Variants in PRKACB observed in about 807,000 individuals in gnomAD.
PRKACB encodes the protein protein kinase cAMP-activated catalytic subunit beta, also known as cAMP-dependent protein kinase catalytic subunit beta.
Under a neutral mutation model 51.4 loss-of-function variants are expected in PRKACB, and 16 were observed. The ratio of observed to expected loss-of-function variants is 0.31; its 90% CI spans 0.21 to 0.47. PRKACB has a LOEUF of 0.47. PRKACB is among the 20% of genes least tolerant of loss of function. The probability of loss-of-function intolerance (pLI) is 1.00; values close to 1 mark genes in which losing one functional copy is unlikely to be tolerated. For synonymous variants in PRKACB, 147 were observed against 154.4 expected (o/e 0.95, Z 0.35); for missense variants, 309 against 464.5 (o/e 0.67, Z 3.08).
At chr1:84,100,235 G>C (rs1649240649) in intron 1 of PRKACB, among the ~76,000 whole-genome samples, 1 of 152,102 alleles carries the variant, frequency 6.6e-6, no homozygotes, top group African/African-American at 2.4e-5. Flanking sequence ...CTCAGTCACT[G>C]TTATGAGAAC....
chr1:84,142,753 T>A (rs1211195250), upstream of PRKACB, among the ~76,000 whole-genome samples: 4 of 152,230 alleles, frequency 2.6e-5, no homozygotes, highest in East Asian at 1.9e-4. Context: ...TTGTTTAGAT[T>A]GATATGAATT....
intron 1 of PRKACB, among the ~76,000 whole-genome samples, chr1:84,174,639 G>T (rs1285057404): frequency 6.6e-6 from 1 of 151,850 alleles, no homozygotes; most frequent in African/African-American, 2.4e-5. Context: ...AAGAAACCAG[G>T]TGTTATAATG....
At chr1:84,089,718 A>G (rs929662723) in intron 1 of PRKACB, among the ~76,000 whole-genome samples, 2 of 152,132 alleles carry the variant, frequency 1.3e-5, no homozygotes, top group African/African-American at 4.8e-5. Flanking sequence ...TTGTTCATTC[A>G]GATGTCTAGT....
intron 1 of PRKACB, among the ~76,000 whole-genome samples, chr1:84,112,602 C>G (rs901720012): frequency 2.6e-5 from 4 of 152,116 alleles, no homozygotes; most frequent in Non-Finnish European, 2.9e-5. Context: ...GTCTTCTCAT[C>G]CATTCCATAT....
chr1:84,085,944 T>C (rs1314635969), intron 1 of PRKACB: 2 of 691,410 alleles, frequency 2.9e-6, no homozygotes, highest in Admixed American at 2.1e-5. Flanking sequence ...AGGATGGACC[T>C]GACTTTCAAG....
At chr1:84,106,016 C>T (rs917287232) in intron 1 of PRKACB, among the ~76,000 whole-genome samples, 7 of 151,922 alleles carry the variant, frequency 4.6e-5, no homozygotes, top group African/African-American at 1.7e-4. Flanking sequence ...TAACTATTTA[C>T]ATTACAGTAT....
intron 1 of PRKACB, among the ~76,000 whole-genome samples, chr1:84,093,621 A>G (rs1648695122): frequency 6.6e-6 from 1 of 151,978 alleles, no homozygotes; most frequent in Non-Finnish European, 1.5e-5. Flanking sequence ...CAATTTTCAC[A>G]TACATAATTA....
At chr1:84,209,554 C>T (rs1671831094) in intron 8 of PRKACB, among the ~76,000 whole-genome samples, 1 of 152,208 alleles carries the variant, frequency 6.6e-6, no homozygotes. Context: ...ACTGCTGTCA[C>T]TCTTAAGTGA....
intron 1 of PRKACB, among the ~76,000 whole-genome samples, chr1:84,165,333 T>A (rs918657236): frequency 6.6e-6 from 1 of 151,900 alleles, no homozygotes; most frequent in African/African-American, 2.4e-5. Flanking sequence ...AGGATTTTCT[T>A]TTAGTATCTG....
chr1:84,078,248 T>A, exon 1 of PRKACB: 1 of 1,504,004 alleles, frequency 6.6e-7, no homozygotes, highest in Non-Finnish European at 9.1e-7. Context: ...ACGCGGGAGT[T>A]GTCCCAGACT....
chr1:84,160,331 G>A (rs907239905), intron 1 of PRKACB, among the ~76,000 whole-genome samples: 8 of 151,552 alleles, frequency 5.3e-5, no homozygotes, highest in African/African-American at 1.9e-4. Flanking sequence ...TTATATGATT[G>A]GGATAAGGTT....
At chr1:84,219,797 C>A (rs1673439672) in intron 9 of PRKACB, among the ~76,000 whole-genome samples, 1 of 151,764 alleles carries the variant, frequency 6.6e-6, no homozygotes, top group South Asian at 2.1e-4. Context: ...TATTCTGTTC[C>A]ATGGGTCTCT....
At chr1:84,149,498 T>A (rs1039243534) in intron 1 of PRKACB, among the ~76,000 whole-genome samples, 3 of 152,186 alleles carry the variant, frequency 2.0e-5, no homozygotes, top group Non-Finnish European at 4.4e-5. Flanking sequence ...TGAACTCAAG[T>A]GATCTGCCTG....
chr1:84,085,132 A>G (rs1647860581), intron 1 of PRKACB, among the ~76,000 whole-genome samples: 1 of 152,234 alleles, frequency 6.6e-6, no homozygotes, highest in Admixed American at 6.5e-5. Context: ...GTAATTTAAA[A>G]TCATAAAATA....
chr1:84,214,784 C>T (rs1293911956), intron 9 of PRKACB, among the ~76,000 whole-genome samples: 1 of 152,094 alleles, frequency 6.6e-6, no homozygotes, highest in African/African-American at 2.4e-5. Flanking sequence ...CATGAGTCAT[C>T]ACACCTGGCC....
intron 5 of PRKACB, among the ~76,000 whole-genome samples, chr1:84,192,682 T>G (rs1258882383): frequency 6.6e-6 from 1 of 152,158 alleles, no homozygotes; most frequent in Admixed American, 6.6e-5. Context: ...GAAATTTTTA[T>G]TAGCCTTAAG....
chr1:84,203,136 A>C (rs1670608241), intron 8 of PRKACB, among the ~76,000 whole-genome samples: 1 of 151,988 alleles, frequency 6.6e-6, no homozygotes, highest in South Asian at 2.1e-4. Flanking sequence ...CATGGAGAAA[A>C]GTTTTAGGGG....
chr1:84,098,508 A>G (rs1649097206), intron 1 of PRKACB, among the ~76,000 whole-genome samples: 1 of 152,088 alleles, frequency 6.6e-6, no homozygotes. Context: ...AAGCAATATT[A>G]TCAGTTGTGA....
At chr1:84,230,216 C>G (rs1430632135) in intron 9 of PRKACB, among the ~76,000 whole-genome samples, 3 of 150,060 alleles carry the variant, frequency 2.0e-5, no homozygotes, top group African/African-American at 7.3e-5. Context: ...TTGTTTTTCT[C>G]AGGTTTGTCA....
Sources: gnomAD v4.1 joint callset for allele counts (sites outside exome capture counted in the v4.1 genomes callset) on GRCh38, gnomAD v4.1.1 for gene constraint, MANE v1.5 for transcripts, NCBI Gene and HGNC (gene_info 2026-07-23, HGNC 2026-07-21) for gene names.